Variants in PI4KB observed in about 807,000 individuals in gnomAD.
The protein encoded by PI4KB is PtdIns 4-kinase beta.
In PI4KB, 23 loss-of-function variants were observed where a neutral mutation model predicts 81.4. The observed-to-expected ratio is 0.28, with a 90% CI of 0.20 to 0.40. The LOEUF is 0.40. Among genes scored for constraint, PI4KB ranks in the 10% least tolerant of loss-of-function variants. PI4KB has a pLI of 1.00. For missense variants in PI4KB, 651 were observed against 1,036.6 expected (o/e 0.63, Z 5.11); for synonymous variants, 381 against 406.8 (o/e 0.94, Z 0.76).
At chr1:151,301,028 C>A (rs942675411) in intron 8 of PI4KB, 2 of 152,276 alleles carry the variant, frequency 1.3e-5, no homozygotes, top group African/African-American at 2.4e-5. Context: ...TGGAACAGGA[C>A]AGGTGCAGGT....
At chr1:151,323,824 G>A (rs946757468) in intron 1 of PI4KB, among the ~76,000 whole-genome samples, 2 of 152,148 alleles carry the variant, frequency 1.3e-5, no homozygotes, top group African/African-American at 4.8e-5. Context: ...TCAGAACACT[G>A]AGATAATTAA....
intron 1 of PI4KB, among the ~76,000 whole-genome samples, chr1:151,316,845 CG>C (rs1557810633): frequency 2.6e-5 from 4 of 152,076 alleles, no homozygotes; most frequent in African/African-American, 7.2e-5. Context: ...GTTGTTGAGA[CG>C]GAGTCTCGCT....
rs41270704 is a variant in PI4KB at position 151,293,073 on chromosome 1, G to A, written c.2270-40C>T. The A allele has an allele frequency of 6.4e-3, 10,210 of 1,605,590 alleles. 62 individuals carry two copies. Among genetic ancestry groups the A allele is most frequent in the Middle Eastern group, 0.011 (64 of 6,006 alleles). Reference sequence around the variant, plus strand: ...CGGAGTTCAGGGTCATGGATGGACGGGAGGGGCAGTGGTGTCAGCCATAGC... The same window carrying A: ...CGGAGTTCAGGGTCATGGATGGACGAGAGGGGCAGTGGTGTCAGCCATAGC... On this transcript the variant is annotated intron_variant, in intron 11 of 11. Coordinates refer to ENST00000368873, the MANE Select transcript of PI4KB (RefSeq NM_001369623.2).
chr1:151,326,089 T>C (rs570434358), intron 1 of PI4KB: 2 of 1,261,742 alleles, frequency 1.6e-6, no homozygotes, highest in South Asian at 2.4e-5. Flanking sequence ...CTCATGGATC[T>C]GGACAGGGGT....
chr1:151,323,189 T>G (rs915797441), intron 1 of PI4KB, among the ~76,000 whole-genome samples: 1 of 152,198 alleles, frequency 6.6e-6, no homozygotes, highest in African/African-American at 2.4e-5. Context: ...AAATCCTTGT[T>G]TGTAACAATA....
At position 151,293,655 on chromosome 1, in the gene PI4KB, C is replaced by T. The variant is rs116577728; in HGVS notation, c.2269+363G>A. The stretch of plus-strand genomic sequence containing the variant: ...CTCAGAGCTGAAGGGTGGCAGAGGA[C>T]AGGGCAATCAGAGGTCATAGTGGAA... On this transcript the variant is annotated intron_variant, in intron 11 of 11. Transcript: ENST00000368873. 2.6e-3 allele frequency: 801 copies of T among 310,212 alleles called. 9 individuals are homozygous for T. The highest frequency in any genetic ancestry group is 0.017 in the African/African-American group (744 of 44,476). The allele number at this position is 310,212 out of a possible 1,614,324, so 19.2% of individuals were successfully genotyped here. A position where few individuals can be genotyped will look rare whatever the true frequency, so the allele number is the denominator to read the frequency against.
chr1:151,295,274 T>C (rs746502081), intron 9 of PI4KB, among the ~76,000 whole-genome samples: 10 of 152,200 alleles, frequency 6.6e-5, no homozygotes, highest in South Asian at 2.1e-4. Context: ...TCAGTGTCAA[T>C]AGAGGCTTTG....
chr1:151,322,449 CATTAAAGGACTT>C (rs1648986952), intron 1 of PI4KB, among the ~76,000 whole-genome samples: 1 of 152,162 alleles, frequency 6.6e-6, no homozygotes, highest in African/African-American at 2.4e-5. Flanking sequence ...TACTGGCCTC[CATTAAAGGACTT>C]ATTGGATCAG....
Position 151,315,685 on chromosome 1 carries a change from G to C in PI4KB, c.797C>G (p.Ser266Cys). The change falls in exon 2 of 12, where the codon TCT (serine) becomes TGT (cysteine). Residue 266 changes from serine (S) to cysteine (C), a missense_variant. Coordinates refer to ENST00000368873, the MANE Select transcript of PI4KB (RefSeq NM_001369623.2). The stretch of plus-strand genomic sequence containing the variant: ...GCGCTGGTGAGTCCTTTTGGAGGGA[G>C]ACAGCCCTGTGTCAGGGGCCGGGCT... Reference protein sequence around the residue: ...SLSPAPDTGLSPSKRTHQRSK... With the variant: ...SLSPAPDTGLCPSKRTHQRSK... 6.2e-7 allele frequency: 1 copy of C among 1,613,870 alleles called. No homozygotes were observed. Among genetic ancestry groups the C allele is most frequent in the Middle Eastern group, 1.7e-4 (1 of 6,054 alleles).
intron 2 of PI4KB, among the ~76,000 whole-genome samples, chr1:151,313,260 A>G (rs763474340): frequency 7.2e-5 from 11 of 152,194 alleles, no homozygotes; most frequent in Non-Finnish European, 1.6e-4. Flanking sequence ...CTGGGAACAT[A>G]GTATCTCCTT....
intron 1 of PI4KB, among the ~76,000 whole-genome samples, chr1:151,326,978 G>A (rs958468378): frequency 3.3e-5 from 5 of 152,144 alleles, no homozygotes; most frequent in African/African-American, 1.2e-4. Context: ...ATATGGAAAG[G>A]GTTCATGACT....
At chr1:151,301,105 C>CTTCTCTTT (rs1695233669) in intron 8 of PI4KB, 1 of 152,376 alleles carries the variant, frequency 6.6e-6, no homozygotes, top group African/African-American at 2.4e-5. Context: ...GGGAAAGTTG[C>CTTCTCTTT]ACTAGCTTCT....
At chr1:151,296,357 T>A (rs1266320492) in intron 9 of PI4KB, among the ~76,000 whole-genome samples, 2 of 152,074 alleles carry the variant, frequency 1.3e-5, no homozygotes, top group Non-Finnish European at 2.9e-5. Context: ...GAGCACAGGG[T>A]CTAAAAGCTA....
intron 1 of PI4KB, 122 bp from the exon 2 acceptor site, chr1:151,316,631 T>C (rs1457915845): frequency 4.9e-6 from 3 of 606,890 alleles, no homozygotes; most frequent in Non-Finnish European, 5.4e-6. Flanking sequence ...TCTTTTTGTC[T>C]TCCTGGACTC....
intron 8 of PI4KB, among the ~76,000 whole-genome samples, chr1:151,301,421 G>A (rs1035775710): frequency 5.3e-5 from 8 of 150,072 alleles, no homozygotes; most frequent in African/African-American, 1.7e-4. Flanking sequence ...TTTTTGAGAC[G>A]GAGTCTCGTT....
chr1:151,294,591 AG>A (rs1302435513), intron 9 of PI4KB, 50 bp from the exon 10 acceptor site: 1 of 1,597,692 alleles, frequency 6.3e-7, no homozygotes, highest in East Asian at 2.2e-5. Flanking sequence ...AGTCTGACTG[AG>A]GCTGGAACCT....
intron 9 of PI4KB, among the ~76,000 whole-genome samples, chr1:151,295,677 C>T (rs937911619): frequency 6.6e-5 from 10 of 152,210 alleles, no homozygotes; most frequent in African/African-American, 2.2e-4. Flanking sequence ...TTGGTTGATT[C>T]CATTCATGGC....
At chr1:151,302,879 A>G (rs1695413726) in intron 6 of PI4KB, among the ~76,000 whole-genome samples, 1 of 150,214 alleles carries the variant, frequency 6.7e-6, no homozygotes, top group South Asian at 2.1e-4. Flanking sequence ...CACCGCACCC[A>G]GCCTAGAATC....
chr1:151,303,480 A>G, intron 6 of PI4KB, 61 bp downstream of exon 6: 1 of 978,680 alleles, frequency 1.0e-6, no homozygotes, highest in Non-Finnish European at 1.7e-6. Context: ...GAAGGTAACA[A>G]AGAGATGGGA....
Sources: allele counts gnomAD v4.1 joint callset (sites outside exome capture counted in the v4.1 genomes callset), GRCh38; gene constraint gnomAD v4.1.1; transcripts MANE v1.5; gene names NCBI Gene and HGNC (gene_info 2026-07-23, HGNC 2026-07-21).